PIK3R1: variants seen among roughly 807,000 people sequenced by gnomAD.
PIK3R1 encodes the protein phosphatidylinositol 3-kinase regulatory subunit alpha.
A neutral mutation model predicts 98.0 loss-of-function variants in PIK3R1; 29 were observed. That is an observed-to-expected ratio of 0.30 (90% CI 0.22 to 0.40). The LOEUF is 0.40. Among genes scored for constraint, PIK3R1 ranks in the 10% least tolerant of loss-of-function variants. PIK3R1 has a pLI of 1.00. For synonymous variants in PIK3R1, 282 were observed against 311.8 expected (o/e 0.90, Z 1.01); for missense variants, 596 against 872.7 (o/e 0.68, Z 3.99).
chr5:68,257,792 G>T (rs1745579431), intron 2 of PIK3R1, among the ~76,000 whole-genome samples: 1 of 152,114 alleles, frequency 6.6e-6, no homozygotes, highest in Non-Finnish European at 1.5e-5. Flanking sequence ...CATTTCCAAA[G>T]GAAACTCCCT....
intron 12 of PIK3R1, 61 bp downstream of exon 12, chr5:68,294,739 A>T: frequency 8.4e-7 from 1 of 1,184,416 alleles, no homozygotes; most frequent in Non-Finnish European, 1.1e-6. Context: ...CCATTTAAAG[A>T]TGATCTCGCT....
chr5:68,274,890 A>C (rs567178773), intron 4 of PIK3R1, among the ~76,000 whole-genome samples: 5 of 152,336 alleles, frequency 3.3e-5, no homozygotes, highest in Admixed American at 2.0e-4. Flanking sequence ...GCCTCACATC[A>C]TTTTAACTGA....
At chr5:68,280,825 A>G in intron 6 of PIK3R1, 96 bp downstream of exon 6, 8 of 1,262,876 alleles carry the variant, frequency 6.3e-6, no homozygotes, top group Non-Finnish European at 9.2e-6. Context: ...TACTCCAGAG[A>G]TGCATGTGCA....
chr5:68,267,399 T>A (rs10940160), intron 2 of PIK3R1, among the ~76,000 whole-genome samples: 82,506 of 152,026 alleles, frequency 0.54, 23,906 homozygotes, highest in African/African-American at 0.76. Context: ...AGGATCTCAA[T>A]TCCCTTTCAT....
intron 2 of PIK3R1, among the ~76,000 whole-genome samples, chr5:68,255,756 C>T (rs1745489905): frequency 6.6e-6 from 1 of 152,166 alleles, no homozygotes; most frequent in African/African-American, 2.4e-5. Flanking sequence ...ATTAATAGCT[C>T]TTGTAGTCGA....
In PIK3R1 at chr5:68,294,777, A is replaced by C. The variant is rs958432434; in HGVS notation, c.1568+99A>C. The C allele has an allele frequency of 9.7e-5, 67 of 691,194 alleles. No individual in the cohort carries two copies. The African/African-American group carries it at 1.2e-3, about 12-fold the overall frequency. The allele number at this position is 691,194 out of a possible 1,614,324, so 42.8% of individuals were successfully genotyped here. On this transcript the variant is annotated intron_variant, in intron 12 of 15. Transcript: ENST00000521381. Reference sequence around the variant, plus strand: ...CTGTGCTTTGAATGATCACGTGGACACAGGAAGGGGAATATCACTCTGGGG... The same window carrying C: ...CTGTGCTTTGAATGATCACGTGGACCCAGGAAGGGGAATATCACTCTGGGG...
intron 2 of PIK3R1, among the ~76,000 whole-genome samples, chr5:68,235,872 A>ATTTTTTTTTTTTTTTT (rs56930555): frequency 4.8e-5 from 7 of 146,640 alleles, no homozygotes; most frequent in Non-Finnish European, 6.0e-5. Flanking sequence ...TCTGCCAGGC[A>ATTTTTTTTTTTTTTTT]TTTTTTTTTT....
At chr5:68,280,241 C>G in intron 5 of PIK3R1, 1 of 457,502 alleles carries the variant, frequency 2.2e-6, no homozygotes. Context: ...TAGCCAATCA[C>G]ACTTGAAGCT....
chr5:68,265,885 G>A (rs1746103118), intron 2 of PIK3R1, among the ~76,000 whole-genome samples: 1 of 152,194 alleles, frequency 6.6e-6, no homozygotes, highest in South Asian at 2.1e-4. Context: ...AAAAATGTCA[G>A]AGAAAAAACC....
chr5:68,223,988 G>A (rs950937995), intron 1 of PIK3R1, among the ~76,000 whole-genome samples: 3 of 152,168 alleles, frequency 2.0e-5, no homozygotes, highest in African/African-American at 7.2e-5. Flanking sequence ...TGGGTGGCTG[G>A]AATAAAGGAA....
At chr5:68,223,369 C>T (rs1744163557) in intron 1 of PIK3R1, among the ~76,000 whole-genome samples, 2 of 151,722 alleles carry the variant, frequency 1.3e-5, no homozygotes, top group East Asian at 3.9e-4. Context: ...TGACTGCTCT[C>T]CTTTTTTTTT....
At chr5:68,263,189 ATCTACATATATATCTATATATATATT>A (rs1437450496) in intron 2 of PIK3R1, among the ~76,000 whole-genome samples, 39 of 138,504 alleles carry the variant, frequency 2.8e-4, no homozygotes, top group East Asian at 8.1e-4. Context: ...ATATACATAT[ATCTACATATATATCTATATATATATT>A]TCTACATATA....
rs1240200793 is a variant in PIK3R1, at chr5:68,301,364, ATATGTGTGTGTG to A, written c.*3765_*3776del. 1.3e-3 allele frequency: 50 copies of A among 37,420 alleles called. 1 individual carries two copies. Among genetic ancestry groups the A allele is most frequent in the East Asian group, 4.4e-3 (4 of 906 alleles). 2.3% of individuals were successfully genotyped at this position (37,420 alleles called of 1,614,324 possible). On this transcript the variant is annotated 3_prime_UTR_variant, in exon 16 of 16. Coordinates refer to ENST00000521381, the MANE Select transcript of PIK3R1 (RefSeq NM_181523.3). ...CTGCTATATATATATATATATATAT[ATATGTGTGTGTG>A]TGTGTGTGTGTGTGTGTATATATAT...
intron 2 of PIK3R1, among the ~76,000 whole-genome samples, chr5:68,233,151 A>T (rs962981633): frequency 2.0e-5 from 3 of 152,236 alleles, no homozygotes; most frequent in Admixed American, 2.0e-4. Context: ...AAAGGGGAGA[A>T]TTTTTTACCT....
rs1194250902 is a variant in PIK3R1, at chr5:68,266,520, A to G, written c.335-6870A>G. ...AGGAAGTACAAAAACTGCTATTATC[A>G]AGATCATTTAACTTGAGCATAATCA... On this transcript the variant is annotated intron_variant, in intron 2 of 15. Coordinates refer to ENST00000521381, the MANE Select transcript of PIK3R1 (RefSeq NM_181523.3). 2.0e-5 allele frequency among the ~76,000 whole-genome samples: 3 copies of G among 152,232 alleles called. No homozygotes were observed. The East Asian group carries it at 5.8e-4, about 29-fold the overall frequency.
At chr5:68,283,156 C>T (rs1746919190) in intron 7 of PIK3R1, among the ~76,000 whole-genome samples, 1 of 152,328 alleles carries the variant, frequency 6.6e-6, no homozygotes, top group Middle Eastern at 3.4e-3. Flanking sequence ...TTTGAAAGCA[C>T]AGCACCTTAC....
At position 68,298,674 on chromosome 5, in the gene PIK3R1, AT is replaced by A. The variant is rs1002211273; in HGVS notation, c.*1081del. On this transcript the variant is annotated 3_prime_UTR_variant, in exon 16 of 16. Coordinates refer to ENST00000521381, the MANE Select transcript of PIK3R1 (RefSeq NM_181523.3). ...CCCAAGGTTAAAAAGTTCATAACAG[AT>A]TTTTTTTGGACTGTTTTGTTGGGCA... 2 of 232,850 alleles carry A rather than the reference AT, an allele frequency of 8.6e-6. No individual in the cohort carries two copies. Among genetic ancestry groups the A allele is most frequent in the African/African-American group, 2.2e-5 (1 of 45,220 alleles). The allele number at this position is 232,850 out of a possible 1,614,324, so 14.4% of individuals were successfully genotyped here.
At chr5:68,240,577 C>G (rs899883421) in intron 2 of PIK3R1, among the ~76,000 whole-genome samples, 2 of 152,194 alleles carry the variant, frequency 1.3e-5, no homozygotes, top group Admixed American at 6.5e-5. Flanking sequence ...AATGTTTACT[C>G]TTGTTTTCTT....
At chr5:68,280,871 A>ATTC in intron 6 of PIK3R1, 56 bp from the exon 7 acceptor site, 1 of 1,333,934 alleles carries the variant, frequency 7.5e-7, no homozygotes, top group South Asian at 1.3e-5. Flanking sequence ...GTGTATATAA[A>ATTC]TGAAAATGAG....
Sources: gnomAD v4.1 joint callset for allele counts (sites outside exome capture counted in the v4.1 genomes callset) on GRCh38, gnomAD v4.1.1 for gene constraint, MANE v1.5 for transcripts, NCBI Gene and HGNC (gene_info 2026-07-23, HGNC 2026-07-21) for gene names.